The following FIP1L1 variants were observed in gnomAD, a reference collection of about 807,000 sequenced individuals.
FIP1L1 encodes the protein factor interacting with PAPOLA and CPSF1.
In FIP1L1, 21 loss-of-function variants were observed where a neutral mutation model predicts 84.6. The observed-to-expected ratio is 0.25, with a 90% CI of 0.18 to 0.36. FIP1L1 has a LOEUF of 0.36. Among genes scored for constraint, FIP1L1 ranks in the 10% least tolerant of loss-of-function variants. The probability of loss-of-function intolerance (pLI) is 1.00; values close to 1 mark genes in which losing one functional copy is unlikely to be tolerated. For missense variants in FIP1L1, 526 were observed against 751.1 expected, an observed-to-expected ratio of 0.70 and a Z score of 3.50; for synonymous variants, 263 against 242.3, an observed-to-expected ratio of 1.09 and a Z score of -0.80.
chr4:53,448,251 T>C (rs17326196), intron 15 of FIP1L1, among the ~76,000 whole-genome samples: 14,171 of 152,136 alleles, frequency 0.093, 1,166 homozygotes, highest in South Asian at 0.28. Flanking sequence ...TCCTGAGGGA[T>C]GTACGATTGT....
rs539635520 is a variant in FIP1L1, at chr4:53,403,692, T to C, written c.815+3853T>C. 2.1e-3 allele frequency among the ~76,000 whole-genome samples: 326 copies of C among 152,302 alleles called. 1 individual carries two copies. Among genetic ancestry groups the C allele is most frequent in the Middle Eastern group, 3.4e-3 (1 of 294 alleles). On this transcript the variant is annotated intron_variant, in intron 10 of 17. Coordinates refer to ENST00000337488, the MANE Select transcript of FIP1L1 (RefSeq NM_030917.4). Reference sequence around the variant, plus strand: ...GATGAGGCAAAACTTTGTTGTCCAATTCATTCAACTTTTGAAGCATTGGTT... The same window carrying C: ...GATGAGGCAAAACTTTGTTGTCCAACTCATTCAACTTTTGAAGCATTGGTT...
chr4:53,377,669 G>C lies in FIP1L1; in HGVS notation c.-170G>C. On this transcript the variant is annotated 5_prime_UTR_variant, in exon 1 of 18. Transcript: ENST00000337488. ...CATGCGCAGACGGACCTGCGCTGGA[G>C]GCTTCATCTTTGCCGCCGCTGCCGT... The C allele has an allele frequency of 3.3e-6, 2 of 597,470 alleles. No individual in the cohort carries two copies. Among genetic ancestry groups the C allele is most frequent in the East Asian group, 3.1e-5 (1 of 32,768 alleles). 37.0% of individuals were successfully genotyped at this position (597,470 alleles called of 1,614,324 possible). A position where few individuals can be genotyped will look rare whatever the true frequency, so the allele number is the denominator to read the frequency against.
Position 53,383,781 on chromosome 4 carries a change from T to C in FIP1L1, c.237T>C (p.Thr79=). 1 of 1,608,658 alleles carries C rather than the reference T, an allele frequency of 6.2e-7. No individual in the cohort carries two copies. The highest frequency in any genetic ancestry group is 8.5e-7 in the Non-Finnish European group (1 of 1,175,482). The change falls in exon 5 of 18, where the codon ACT becomes ACC. Residue 79 remains threonine, a synonymous_variant. Coordinates refer to ENST00000337488, the MANE Select transcript of FIP1L1 (RefSeq NM_030917.4). ...AENGVPKPKV[T]ETEDDSDSDS... is the part of the protein sequence containing the mutation. ...TGTTTATGTTCATGTAGAAAGTGACTGAGACCGAAGATGATAGTGATAGTG... is the reference window on the plus strand; with the variant it reads ...TGTTTATGTTCATGTAGAAAGTGACCGAGACCGAAGATGATAGTGATAGTG...
intron 5 of FIP1L1, among the ~76,000 whole-genome samples, chr4:53,385,331 T>C (rs1294886826): frequency 6.6e-6 from 1 of 152,152 alleles, no homozygotes; most frequent in Non-Finnish European, 1.5e-5. Flanking sequence ...GGACCTTTTT[T>C]TGGTAGAAAT....
intron 10 of FIP1L1, among the ~76,000 whole-genome samples, chr4:53,410,679 A>G (rs1264875230): frequency 6.6e-6 from 1 of 152,258 alleles, no homozygotes; most frequent in African/African-American, 2.4e-5. Context: ...AGAAATGCCC[A>G]TTAACATGAT....
rs768613391 is a variant in FIP1L1, at chr4:53,414,661, G to A, written c.862G>A (p.Ala288Thr). The change falls in exon 11 of 18, where the codon GCC (alanine) becomes ACC (threonine). Residue 288 changes from alanine (A) to threonine (T), a missense_variant. Transcript: ENST00000337488. The part of the protein sequence containing the change: ...QSQTSTASRK[A>T]NSSVGKWQDR... ...TCAGACAAGTACTGCCTCCAGAAAAGCCAATTCAAGCGTTGGGAAGTGGCA... is the reference window on the plus strand; with the variant it reads ...TCAGACAAGTACTGCCTCCAGAAAAACCAATTCAAGCGTTGGGAAGTGGCA... The A allele has an allele frequency of 6.2e-7, 1 of 1,613,360 alleles. No individual in the cohort carries two copies. The highest frequency in any genetic ancestry group is 1.1e-5 in the South Asian group (1 of 91,012).
At chr4:53,434,456 A>G (rs898604394) in intron 13 of FIP1L1, among the ~76,000 whole-genome samples, 2 of 151,560 alleles carry the variant, frequency 1.3e-5, no homozygotes, top group African/African-American at 4.8e-5. Flanking sequence ...AAAAAGGCAA[A>G]TAACATCTTA....
intron 15 of FIP1L1, among the ~76,000 whole-genome samples, chr4:53,448,912 A>G (rs751664826): frequency 2.6e-5 from 4 of 152,138 alleles, no homozygotes; most frequent in Non-Finnish European, 4.4e-5. Context: ...TATAAGTGTT[A>G]TATACATTTG....
chr4:53,445,807 G>A (rs1005382830), intron 15 of FIP1L1, among the ~76,000 whole-genome samples: 6 of 152,114 alleles, frequency 3.9e-5, no homozygotes, highest in African/African-American at 1.2e-4. Flanking sequence ...GGCAAATTAG[G>A]GAGGGCGGGA....
chr4:53,421,135 A>G (rs975412335), intron 11 of FIP1L1, among the ~76,000 whole-genome samples: 2 of 152,226 alleles, frequency 1.3e-5, no homozygotes, highest in Non-Finnish European at 2.9e-5. Context: ...GTTGGCATAA[A>G]GATTAAAATC....
At chr4:53,400,677 T>C (rs1749753179) in intron 10 of FIP1L1, among the ~76,000 whole-genome samples, 1 of 152,228 alleles carries the variant, frequency 6.6e-6, no homozygotes, top group Non-Finnish European at 1.5e-5. Context: ...AGAGACTTTA[T>C]AGTGGCATCT....
At chr4:53,423,413 A>T (rs1174198781) in intron 11 of FIP1L1, among the ~76,000 whole-genome samples, 6 of 152,218 alleles carry the variant, frequency 3.9e-5, no homozygotes, top group African/African-American at 1.4e-4. Context: ...AGATTTCCTC[A>T]TAGGGAAACT....
intron 9 of FIP1L1, among the ~76,000 whole-genome samples, chr4:53,396,744 G>A (rs1367357106): frequency 6.6e-6 from 1 of 152,114 alleles, no homozygotes; most frequent in African/African-American, 2.4e-5. Flanking sequence ...ACCTCAAATG[G>A]ACAGTGCTCA....
intron 11 of FIP1L1, among the ~76,000 whole-genome samples, chr4:53,421,150 G>T (rs1431193865): frequency 6.6e-6 from 1 of 152,192 alleles, no homozygotes; most frequent in East Asian, 1.9e-4. Flanking sequence ...AAAATCAAAT[G>T]ATAGCTAGGC....
At chr4:53,442,408 A>G in intron 13 of FIP1L1, 1 of 410,604 alleles carries the variant, frequency 2.4e-6, no homozygotes. Context: ...TGGTGCTGAA[A>G]ATAAGACCGG....
intron 6 of FIP1L1, 95 bp from the exon 7 acceptor site, chr4:53,390,426 G>T: frequency 1.4e-6 from 1 of 718,732 alleles, no homozygotes. Flanking sequence ...TATGTGCCAG[G>T]AATAGTAAAA....
intron 15 of FIP1L1, among the ~76,000 whole-genome samples, chr4:53,450,387 A>G (rs1438612993): frequency 6.6e-6 from 1 of 152,204 alleles, no homozygotes; most frequent in Non-Finnish European, 1.5e-5. Context: ...GTGGTCAGAG[A>G]ACAAATCTGT....
In FIP1L1 at chr4:53,377,739, C is replaced by CG; in HGVS notation, c.-98dup. 8.8e-7 allele frequency: 1 copy of CG among 1,131,138 alleles called. No individual in the cohort carries two copies. The highest frequency in any genetic ancestry group is 1.6e-5 in the African/African-American group (1 of 62,392). The allele number at this position is 1,131,138 out of a possible 1,614,324, so 70.1% of individuals were successfully genotyped here. ...TCTCGAGCTTTCTTCGTTCGTTCGT[C>CG]GGCGGGTTCGCGCCCTTCTCGCGCC... On this transcript the variant is annotated 5_prime_UTR_variant, in exon 1 of 18. It introduces an in-frame stop codon into an upstream open reading frame of the 5' UTR. Coordinates refer to ENST00000337488, the MANE Select transcript of FIP1L1 (RefSeq NM_030917.4).
intron 9 of FIP1L1, among the ~76,000 whole-genome samples, chr4:53,396,195 A>T (rs1473477374): frequency 6.6e-6 from 1 of 152,200 alleles, no homozygotes; most frequent in African/African-American, 2.4e-5. Context: ...TTGGGATTAC[A>T]GGCGTGAGCC....
Sources: gnomAD v4.1 joint callset for allele counts (sites outside exome capture counted in the v4.1 genomes callset) on GRCh38, gnomAD v4.1.1 for gene constraint, MANE v1.5 for transcripts, NCBI Gene and HGNC (gene_info 2026-07-23, HGNC 2026-07-21) for gene names.